SPECC1: variants seen among roughly 807,000 people sequenced by gnomAD.
SPECC1 encodes cytospin-B.
SPECC1 carries 62 observed loss-of-function variants against 104.1 expected under a neutral mutation model. The observed-to-expected ratio is 0.60, with a 90% CI of 0.49 to 0.74. The LOEUF (loss-of-function observed/expected upper bound fraction) is 0.74, where lower values mean the gene tolerates loss of function less well. Ranked by LOEUF, SPECC1 falls within the 30% of genes least tolerant of loss-of-function variation. SPECC1 has a pLI of 0.00. For missense variants in SPECC1, 1,306 were observed against 1,310.5 expected (o/e 1.00, Z 0.05); for synonymous variants, 513 against 501.6 (o/e 1.02, Z -0.30).
chr17:20,318,236 C>T lies in SPECC1; in HGVS notation c.*4171C>T, dbSNP rs1478702058. On this transcript the variant is annotated 3_prime_UTR_variant, in exon 15 of 15. Transcript: ENST00000395527. The stretch of plus-strand genomic sequence containing the variant: ...GAGAGTTTTTCAAGGTGAGAAGTCG[C>T]TGTTCTCTGCATTGAACATGGATTG... The T allele has an allele frequency of 4.3e-6, 1 of 232,386 alleles. No homozygotes were observed. The highest frequency in any genetic ancestry group is 6.1e-5 in the East Asian group (1 of 16,518). 14.4% of individuals were successfully genotyped at this position (232,386 alleles called of 1,614,324 possible).
intron 3 of SPECC1, chr17:20,156,343 G>C: frequency 8.2e-7 from 1 of 1,226,736 alleles, no homozygotes; most frequent in African/African-American, 1.6e-5. Context: ...GCGAGCGAAA[G>C]GCTAAGGTCC....
At chr17:20,295,302 A>G (rs1056383518) in intron 12 of SPECC1, among the ~76,000 whole-genome samples, 6 of 151,846 alleles carry the variant, frequency 4.0e-5, no homozygotes, top group African/African-American at 1.4e-4. Context: ...TAGTTTACTC[A>G]GTATGATGGT....
At chr17:20,198,242 C>G (rs947777355) in intron 3 of SPECC1, among the ~76,000 whole-genome samples, 6 of 152,312 alleles carry the variant, frequency 3.9e-5, no homozygotes, top group Admixed American at 2.0e-4. Flanking sequence ...ATCTTTAATC[C>G]AGCCTCAGAC....
intron 1 of SPECC1, among the ~76,000 whole-genome samples, chr17:20,030,789 T>C (rs967369848): frequency 1.3e-5 from 2 of 152,210 alleles, no homozygotes; most frequent in East Asian, 3.8e-4. Context: ...TCTACTTTTG[T>C]TTCTCTGGGA....
intron 3 of SPECC1, among the ~76,000 whole-genome samples, chr17:20,113,846 A>G (rs1356989527): frequency 6.6e-6 from 1 of 152,244 alleles, no homozygotes; most frequent in Non-Finnish European, 1.5e-5. Context: ...ATAGGAAGAT[A>G]CTTCAAAACC....
At chr17:20,222,880 T>C (rs1382013181) in intron 4 of SPECC1, among the ~76,000 whole-genome samples, 1 of 152,198 alleles carries the variant, frequency 6.6e-6, no homozygotes, top group Non-Finnish European at 1.5e-5. Flanking sequence ...TTCAGTACTT[T>C]AAATATGGCA....
chr17:20,088,949 G>T (rs943511986), intron 1 of SPECC1, among the ~76,000 whole-genome samples: 2 of 152,238 alleles, frequency 1.3e-5, no homozygotes, highest in Admixed American at 1.3e-4. Context: ...GGCACCTTCT[G>T]TGCGGCAGAG....
intron 12 of SPECC1, among the ~76,000 whole-genome samples, chr17:20,278,101 C>T (rs2040635735): frequency 6.6e-6 from 1 of 152,056 alleles, no homozygotes; most frequent in Non-Finnish European, 1.5e-5. Flanking sequence ...GAAAGACCGG[C>T]TTTTTTTAAT....
At chr17:20,120,533 T>C (rs1236774444) in intron 3 of SPECC1, among the ~76,000 whole-genome samples, 1 of 152,220 alleles carries the variant, frequency 6.6e-6, no homozygotes, top group East Asian at 1.9e-4. Context: ...TGGCAATATA[T>C]AGTTGATTTC....
At chr17:20,183,865 A>G (rs1018803606) in intron 3 of SPECC1, among the ~76,000 whole-genome samples, 2 of 152,082 alleles carry the variant, frequency 1.3e-5, no homozygotes, top group Admixed American at 6.6e-5. Flanking sequence ...TTCTTATGAA[A>G]TTTTATTAAA....
intron 3 of SPECC1, among the ~76,000 whole-genome samples, chr17:20,123,423 A>G (rs1024485933): frequency 2.0e-5 from 3 of 152,228 alleles, no homozygotes; most frequent in Non-Finnish European, 4.4e-5. Flanking sequence ...AGAAACTGTC[A>G]GTGTCCTCGC....
intron 7 of SPECC1, among the ~76,000 whole-genome samples, chr17:20,244,889 A>G (rs992751614): frequency 3.9e-5 from 6 of 152,210 alleles, no homozygotes; most frequent in African/African-American, 1.4e-4. Context: ...TCACAGGGAG[A>G]TCACATGACA....
At chr17:20,228,634 A>G (rs1382427174) in intron 5 of SPECC1, among the ~76,000 whole-genome samples, 1 of 152,208 alleles carries the variant, frequency 6.6e-6, no homozygotes, top group Non-Finnish European at 1.5e-5. Context: ...CTCTTGGTCT[A>G]AGGGAGAAAA....
In SPECC1 at chr17:20,315,030, C is replaced by G. The variant is rs914902770; in HGVS notation, c.*965C>G. ...TCCTCGTCACCTGCGCCTTTGTCCTCCCATTCGTTTACCCTCCCGTTCACA... is the reference window on the plus strand; with the variant it reads ...TCCTCGTCACCTGCGCCTTTGTCCTGCCATTCGTTTACCCTCCCGTTCACA... On this transcript the variant is annotated 3_prime_UTR_variant, in exon 15 of 15. Coordinates refer to ENST00000395527, the MANE Select transcript of SPECC1 (RefSeq NM_001243439.2). 4.3e-6 allele frequency: 1 copy of G among 232,792 alleles called. No homozygotes were observed. Among genetic ancestry groups the G allele is most frequent in the African/African-American group, 2.2e-5 (1 of 45,334 alleles). 14.4% of individuals were successfully genotyped at this position (232,792 alleles called of 1,614,324 possible).
intron 1 of SPECC1, chr17:20,095,990 A>G (rs1458565857): frequency 6.6e-6 from 1 of 152,268 alleles, no homozygotes; most frequent in Non-Finnish European, 1.5e-5. Flanking sequence ...GCTGCCTTCC[A>G]CATCTCTGTG....
intron 3 of SPECC1, among the ~76,000 whole-genome samples, chr17:20,178,630 G>A (rs1007850932): frequency 1.3e-5 from 2 of 152,208 alleles, no homozygotes; most frequent in African/African-American, 2.4e-5. Flanking sequence ...GTAACAGACT[G>A]TGTTGAGAAC....
rs150694096 is a variant in SPECC1 at position 20,274,796 on chromosome 17, T to G, written c.2940+14502T>G. On this transcript the variant is annotated intron_variant, in intron 12 of 14. Transcript: ENST00000395527. ...TGCCCAGCCTTGTTTCTTCTAATATTTATACCTCTTGTACTTTTTTTGGTT... is the reference window on the plus strand; with the variant it reads ...TGCCCAGCCTTGTTTCTTCTAATATGTATACCTCTTGTACTTTTTTTGGTT... 8.4e-4 allele frequency among the ~76,000 whole-genome samples: 127 copies of G among 152,072 alleles called. 1 individual carries two copies. The highest frequency in any genetic ancestry group is 3.0e-3 in the African/African-American group (123 of 41,504).
intron 3 of SPECC1, among the ~76,000 whole-genome samples, chr17:20,147,924 G>C (rs2031618720): frequency 6.6e-6 from 1 of 152,086 alleles, no homozygotes; most frequent in Admixed American, 6.5e-5. Flanking sequence ...TATAATCCCA[G>C]CTACTTGGGA....
At chr17:20,040,449 CT>C (rs1311976541) in intron 1 of SPECC1, among the ~76,000 whole-genome samples, 11 of 151,796 alleles carry the variant, frequency 7.2e-5, no homozygotes, top group Non-Finnish European at 1.3e-4. Flanking sequence ...TTCTGGATTC[CT>C]TCTTTCATCA....
Sources: gnomAD v4.1 joint callset for allele counts (sites outside exome capture counted in the v4.1 genomes callset) on GRCh38, gnomAD v4.1.1 for gene constraint, MANE v1.5 for transcripts, NCBI Gene and HGNC (gene_info 2026-07-23, HGNC 2026-07-21) for gene names.